NDST3: variants seen among roughly 807,000 people sequenced by gnomAD.
NDST3 encodes bifunctional heparan sulfate N-deacetylase/N-sulfotransferase 3.
Under a neutral mutation model 96.1 loss-of-function variants are expected in NDST3, and 58 were observed. The observed-to-expected ratio is 0.60, with a 90% CI of 0.49 to 0.75. The LOEUF (loss-of-function observed/expected upper bound fraction) is 0.75. Ranked by LOEUF, NDST3 falls within the 30% of genes least tolerant of loss-of-function variation. The probability of loss-of-function intolerance (pLI) is 0.00; values close to 1 mark genes in which losing one functional copy is unlikely to be tolerated. For missense variants in NDST3, 788 were observed against 1,034.2 expected, an observed-to-expected ratio of 0.76 and a Z score of 3.27; for synonymous variants, 333 against 359.7, an observed-to-expected ratio of 0.93 and a Z score of 0.84.
intron 3 of NDST3, among the ~76,000 whole-genome samples, chr4:118,106,747 T>C (rs1364765429): frequency 1.3e-5 from 2 of 152,022 alleles, no homozygotes. Flanking sequence ...ACTATGTTCA[T>C]GCCACTGCGC....
intron 6 of NDST3, among the ~76,000 whole-genome samples, chr4:118,164,087 A>C (rs1395591918): frequency 6.6e-6 from 1 of 152,218 alleles, no homozygotes; most frequent in African/African-American, 2.4e-5. Flanking sequence ...ACATGGAACC[A>C]GCCTAAATGC....
At chr4:118,141,160 T>C (rs1733543169) in intron 5 of NDST3, among the ~76,000 whole-genome samples, 1 of 152,168 alleles carries the variant, frequency 6.6e-6, no homozygotes. Flanking sequence ...AATAAACTCC[T>C]AGCTATTTTC....
intron 6 of NDST3, among the ~76,000 whole-genome samples, chr4:118,218,971 G>A (rs1739369422): frequency 6.6e-6 from 1 of 151,802 alleles, no homozygotes; most frequent in African/African-American, 2.4e-5. Flanking sequence ...AAATACCTAG[G>A]AATACAACTT....
chr4:118,108,145 C>T (rs1730356026), intron 3 of NDST3, among the ~76,000 whole-genome samples: 1 of 152,132 alleles, frequency 6.6e-6, no homozygotes, highest in Admixed American at 6.5e-5. Context: ...ATGGGGGAAC[C>T]TCCCCCATGA....
chr4:118,193,415 G>C, intron 6 of NDST3: 2 of 670,214 alleles, frequency 3.0e-6, no homozygotes, highest in Non-Finnish European at 4.9e-6. Flanking sequence ...CTATGCTTCT[G>C]TCTCCACTTG....
In NDST3 at chr4:118,114,925, G is replaced by A. The variant is rs201466048; in HGVS notation, c.1189G>A (p.Val397Met). 6.2e-7 allele frequency: 1 copy of A among 1,613,998 alleles called. No homozygotes were observed. Residue 397 changes from valine (V) to methionine (M), a missense_variant, in exon 4 of 14, where the codon GTG becomes ATG. Transcript: ENST00000296499. ...PHLFHNESSL[V>M]EQMILNKKFA... Reference sequence around the variant, plus strand: ...CCTCTTCCACAATGAGTCATCTTTGGTGGAGCAGATGATTCTCAACAAAAA... The same window carrying A: ...CCTCTTCCACAATGAGTCATCTTTGATGGAGCAGATGATTCTCAACAAAAA...
chr4:118,128,098 T>C (rs1732274053), intron 4 of NDST3, among the ~76,000 whole-genome samples: 1 of 152,070 alleles, frequency 6.6e-6, no homozygotes, highest in Non-Finnish European at 1.5e-5. Flanking sequence ...AGTCTTTAGG[T>C]TTTTCCAAAT....
chr4:118,122,849 T>C (rs972082879), intron 4 of NDST3, among the ~76,000 whole-genome samples: 2 of 152,088 alleles, frequency 1.3e-5, no homozygotes, highest in African/African-American at 4.8e-5. Flanking sequence ...ACCTGTGAGG[T>C]TGCTTATTCT....
rs555550072 is a variant in NDST3 at position 118,205,437 on chromosome 4, G to A, written c.1540-19054G>A. Among the ~76,000 whole-genome samples the A allele has an allele frequency of 1.4e-5, 2 of 144,394 alleles. 1 individual carries two copies. Among genetic ancestry groups the A allele is most frequent in the African/African-American group, 5.1e-5 (2 of 39,166 alleles). 94.7% of individuals were successfully genotyped at this position (144,394 alleles called of 152,430 possible). A position where few individuals can be genotyped will look rare whatever the true frequency, so the allele number is the denominator to read the frequency against. On this transcript the variant is annotated intron_variant, in intron 6 of 13. Coordinates refer to ENST00000296499, the MANE Select transcript of NDST3 (RefSeq NM_004784.3). ...AAACCTTTCCCTGCCCTCTAAATCA[G>A]GATATTCCACCCATAATTTGCTTAT... is the stretch of plus-strand genomic sequence containing the variant.
chr4:118,162,352 C>T (rs1210373807), intron 6 of NDST3, among the ~76,000 whole-genome samples: 2 of 152,188 alleles, frequency 1.3e-5, no homozygotes, highest in African/African-American at 4.8e-5. Flanking sequence ...TCAAACTATA[C>T]TACAAGGCTA....
intron 12 of NDST3, among the ~76,000 whole-genome samples, chr4:118,249,186 A>T (rs1741498922): frequency 1.3e-5 from 2 of 152,214 alleles, no homozygotes; most frequent in Non-Finnish European, 2.9e-5. Flanking sequence ...ACTTTCTCTC[A>T]GAAGACTACT....
chr4:118,091,862 CTT>C (rs1320482260), intron 2 of NDST3, among the ~76,000 whole-genome samples: 1 of 151,424 alleles, frequency 6.6e-6, no homozygotes, highest in African/African-American at 2.4e-5. Flanking sequence ...TATGTTTTTT[CTT>C]TTTCTTAATC....
intron 2 of NDST3, among the ~76,000 whole-genome samples, chr4:118,088,495 T>C (rs1283845989): frequency 6.6e-6 from 1 of 152,060 alleles, no homozygotes; most frequent in Admixed American, 6.6e-5. Context: ...TAATATCGGC[T>C]GCACATTATA....
intron 4 of NDST3, among the ~76,000 whole-genome samples, chr4:118,128,520 A>G (rs561951143): frequency 6.6e-6 from 1 of 152,154 alleles, no homozygotes; most frequent in Non-Finnish European, 1.5e-5. Context: ...CCATCCTCAC[A>G]TCCCAAGGAC....
intron 6 of NDST3, among the ~76,000 whole-genome samples, chr4:118,180,232 G>A (rs1215416203): frequency 6.6e-6 from 1 of 152,098 alleles, no homozygotes; most frequent in Non-Finnish European, 1.5e-5. Context: ...CCAACAGCTA[G>A]TTTTTCAACT....
At chr4:118,115,589 T>C (rs1416971486) in intron 4 of NDST3, among the ~76,000 whole-genome samples, 1 of 152,206 alleles carries the variant, frequency 6.6e-6, no homozygotes, top group Non-Finnish European at 1.5e-5. Flanking sequence ...AACATTTGTT[T>C]GGCTGAAGCA....
At chr4:118,115,698 C>A (rs1327490428) in intron 4 of NDST3, among the ~76,000 whole-genome samples, 1 of 152,092 alleles carries the variant, frequency 6.6e-6, no homozygotes, top group Non-Finnish European at 1.5e-5. Context: ...TGCTTGTGAT[C>A]AGAGAGAGTA....
At chr4:118,042,862 ATC>A (rs4001572) in intron 1 of NDST3, among the ~76,000 whole-genome samples, 97,041 of 151,834 alleles carry the variant, frequency 0.64, 34,372 homozygotes, top group South Asian at 0.82. Context: ...AGCTTCACTA[ATC>A]TCTCTCTCTT....
At chr4:118,179,126 G>T (rs1036184298) in intron 6 of NDST3, among the ~76,000 whole-genome samples, 8 of 152,056 alleles carry the variant, frequency 5.3e-5, no homozygotes, top group Non-Finnish European at 8.8e-5. Context: ...TTTTTATTAT[G>T]GTGGACAATA....
Sources: allele counts gnomAD v4.1 joint callset (sites outside exome capture counted in the v4.1 genomes callset), GRCh38; gene constraint gnomAD v4.1.1; transcripts MANE v1.5; gene names NCBI Gene and HGNC (gene_info 2026-07-23, HGNC 2026-07-21).